Variants in LANCL2 observed in about 807,000 individuals in gnomAD.
The protein encoded by LANCL2 is lanC-like protein 2.
LANCL2 carries 33 observed loss-of-function variants against 56.9 expected under a neutral mutation model. The observed-to-expected ratio is 0.58, with a 90% CI of 0.44 to 0.78. The LOEUF is 0.78. LANCL2 is among the 30% of genes least tolerant of loss of function. The probability of loss-of-function intolerance (pLI) is 0.00; values close to 1 mark genes in which losing one functional copy is unlikely to be tolerated. For synonymous variants in LANCL2, 233 were observed against 228.2 expected, an observed-to-expected ratio of 1.02 and a Z score of -0.19; for missense variants, 562 against 580.2, an observed-to-expected ratio of 0.97 and a Z score of 0.32.
chr7:55,377,785 A>C (rs1051461547), intron 1 of LANCL2, among the ~76,000 whole-genome samples: 18 of 152,244 alleles, frequency 1.2e-4, no homozygotes, highest in Admixed American at 3.3e-4. Context: ...AATTGCTAAA[A>C]ATCAATCTCA....
intron 6 of LANCL2, among the ~76,000 whole-genome samples, chr7:55,421,255 CTT>C (rs1293062883): frequency 7.7e-6 from 1 of 129,318 alleles, no homozygotes; most frequent in African/African-American, 2.8e-5. Context: ...CCTCCCTCTA[CTT>C]TTTCTTTCCT....
intron 1 of LANCL2, among the ~76,000 whole-genome samples, chr7:55,370,739 A>G (rs570432307): frequency 6.6e-6 from 1 of 152,278 alleles, no homozygotes; most frequent in East Asian, 1.9e-4. Context: ...GAACTCCATG[A>G]GCAAGGACTT....
intron 8 of LANCL2, among the ~76,000 whole-genome samples, chr7:55,429,339 C>CATT (rs1790702766): frequency 1.3e-5 from 2 of 152,154 alleles, no homozygotes; most frequent in Non-Finnish European, 2.9e-5. Context: ...AAAATAAATT[C>CATT]CGTTTTTAAA....
chr7:55,373,593 C>T (rs1789969857), intron 1 of LANCL2, among the ~76,000 whole-genome samples: 1 of 152,084 alleles, frequency 6.6e-6, no homozygotes, highest in Admixed American at 6.5e-5. Flanking sequence ...AGCCATTGCA[C>T]CCAGGGAGTT....
Position 55,365,731 on chromosome 7 carries a change from A to G in LANCL2, c.-295A>G, listed in dbSNP as rs1562853276. 3.4e-6 allele frequency: 1 copy of G among 290,236 alleles called. No individual in the cohort carries two copies. Among genetic ancestry groups the G allele is most frequent in the African/African-American group, 2.2e-5 (1 of 45,994 alleles). 18.0% of individuals were successfully genotyped at this position (290,236 alleles called of 1,614,324 possible). ...GGGGAAGGTGCGAGGAGGCGCGAGCAGGCTGTGAGCCGCTGGGCGCTCCCG... is the reference window on the plus strand; with the variant it reads ...GGGGAAGGTGCGAGGAGGCGCGAGCGGGCTGTGAGCCGCTGGGCGCTCCCG... On this transcript the variant is annotated 5_prime_UTR_variant, in exon 1 of 9. Transcript: ENST00000254770.
intron 8 of LANCL2, among the ~76,000 whole-genome samples, chr7:55,429,169 C>T (rs1446841501): frequency 6.6e-6 from 1 of 152,090 alleles, no homozygotes. Context: ...CAGGGTCATA[C>T]TGACCTAATA....
At chr7:55,413,251 G>A (rs1222213982) in intron 6 of LANCL2, among the ~76,000 whole-genome samples, 2 of 152,194 alleles carry the variant, frequency 1.3e-5, no homozygotes, top group African/African-American at 4.8e-5. Context: ...TATAACTTCA[G>A]TGTCCTAGAG....
chr7:55,374,779 A>C (rs1014258779), intron 1 of LANCL2, among the ~76,000 whole-genome samples: 4 of 152,208 alleles, frequency 2.6e-5, no homozygotes, highest in Non-Finnish European at 5.9e-5. Context: ...GGTTTGTTAA[A>C]ATCTTTCCTA....
rs1209542929 is a variant in LANCL2, at chr7:55,432,797, A to G, written c.*1477A>G. Reference sequence around the variant, plus strand: ...GATGCCTGGAGAGTCTGTTTGCTGCAGACACCCTTGCTCCTGAGTCATTAT... The same window carrying G: ...GATGCCTGGAGAGTCTGTTTGCTGCGGACACCCTTGCTCCTGAGTCATTAT... On this transcript the variant is annotated 3_prime_UTR_variant, in exon 9 of 9. Transcript: ENST00000254770. 1 of 152,248 alleles carries G rather than the reference A, an allele frequency of 6.6e-6. No individual in the cohort carries two copies. Among genetic ancestry groups the G allele is most frequent in the Admixed American group, 6.5e-5 (1 of 15,286 alleles). 9.4% of individuals were successfully genotyped at this position (152,248 alleles called of 1,614,324 possible).
Position 55,399,964 on chromosome 7 carries a change from C to T in LANCL2, c.538C>T (p.Gln180Ter). Residue 180 changes from glutamine to a stop codon, truncating the protein, a stop_gained, in exon 4 of 9, where the codon CAG becomes TAG. Coordinates refer to ENST00000254770, the MANE Select transcript of LANCL2 (RefSeq NM_018697.4). LOFTEE classifies it high-confidence loss of function. ...ATTTTTCTTATTGGTTAGACTTTTGCAGCTCCAGAGATCGGTTGTCTGCCA... is the reference window on the plus strand; with the variant it reads ...ATTTTTCTTATTGGTTAGACTTTTGTAGCTCCAGAGATCGGTTGTCTGCCA... Reference protein sequence around the residue: ...ESQECVTKLLQLQRSVVCQES... With the variant: ...ESQECVTKLL The T allele has an allele frequency of 6.2e-7, 1 of 1,610,026 alleles. No individual in the cohort carries two copies. The highest frequency in any genetic ancestry group is 8.5e-7 in the Non-Finnish European group (1 of 1,177,452).
chr7:55,389,613 A>G (rs951592577), intron 1 of LANCL2, among the ~76,000 whole-genome samples: 1 of 152,230 alleles, frequency 6.6e-6, no homozygotes, highest in Non-Finnish European at 1.5e-5. Context: ...TTTTTGAATC[A>G]GGAATTTCTT....
chr7:55,425,179 C>T, intron 6 of LANCL2, 75 bp from the exon 7 acceptor site: 1 of 1,461,576 alleles, frequency 6.8e-7, no homozygotes, highest in Non-Finnish European at 9.4e-7. Context: ...ATATTCTAAC[C>T]AGAAAGGGAA....
intron 1 of LANCL2, among the ~76,000 whole-genome samples, chr7:55,367,920 T>C (rs1789893773): frequency 1.3e-5 from 2 of 152,262 alleles, no homozygotes; most frequent in African/African-American, 4.8e-5. Context: ...GGTTTTTCTC[T>C]AGATTTCTTC....
Position 55,391,890 on chromosome 7 carries a change from C to G in LANCL2, c.302C>G (p.Ser101Cys), listed in dbSNP as rs1484163928. The G allele has an allele frequency of 6.3e-7, 1 of 1,594,864 alleles. No individual in the cohort carries two copies. Among genetic ancestry groups the G allele is most frequent in the Non-Finnish European group, 8.6e-7 (1 of 1,162,858 alleles). Residue 101 changes from serine (S) to cysteine (C), a missense_variant, in exon 2 of 9, where the codon TCT becomes TGT. Physicochemically the swap from Ser to Cys is moderately radical, Grantham distance 112 (BLOSUM62 -1). Coordinates refer to ENST00000254770, the MANE Select transcript of LANCL2 (RefSeq NM_018697.4). Reference sequence around the variant, plus strand: ...AAGACAGCTGATCCCCATGACTGCTCTGCTTATACTGGCTGGACAGGTGAG... The same window carrying G: ...AAGACAGCTGATCCCCATGACTGCTGTGCTTATACTGGCTGGACAGGTGAG... ...GLKTADPHDC[S>C]AYTGWTGIAL...
At chr7:55,406,122 T>C (rs1790403858) in intron 5 of LANCL2, among the ~76,000 whole-genome samples, 1 of 152,192 alleles carries the variant, frequency 6.6e-6, no homozygotes, top group Non-Finnish European at 1.5e-5. Flanking sequence ...CGAATGTATG[T>C]GTCGGTGAGC....
chr7:55,426,978 C>A (rs1409652264), intron 7 of LANCL2, among the ~76,000 whole-genome samples: 1 of 152,140 alleles, frequency 6.6e-6, no homozygotes, highest in Non-Finnish European at 1.5e-5. Flanking sequence ...GTGGGCCAGG[C>A]AGGGGTGGCC....
At chr7:55,417,473 T>C (rs1305247028) in intron 6 of LANCL2, among the ~76,000 whole-genome samples, 1 of 152,234 alleles carries the variant, frequency 6.6e-6, no homozygotes, top group Non-Finnish European at 1.5e-5. Flanking sequence ...ACGTTGTTTT[T>C]CTTATTCTGC....
chr7:55,379,906 T>C (rs1000435192), intron 1 of LANCL2: 2 of 152,258 alleles, frequency 1.3e-5, no homozygotes, highest in Non-Finnish European at 2.9e-5. Context: ...GGGTGAAATA[T>C]TGATACTGTG....
At chr7:55,369,197 GT>G (rs1230388459) in intron 1 of LANCL2, among the ~76,000 whole-genome samples, 5 of 152,150 alleles carry the variant, frequency 3.3e-5, no homozygotes, top group African/African-American at 1.2e-4. Context: ...AATTTATGTG[GT>G]TTTAAGCCAC....
Sources: gnomAD v4.1 joint callset for allele counts (sites outside exome capture counted in the v4.1 genomes callset) on GRCh38, gnomAD v4.1.1 for gene constraint, MANE v1.5 for transcripts, NCBI Gene and HGNC (gene_info 2026-07-23, HGNC 2026-07-21) for gene names.